The following GPHN variants were observed in gnomAD, a reference collection of about 807,000 sequenced individuals.
GPHN encodes the protein gephyrin.
Under a neutral mutation model 95.5 loss-of-function variants are expected in GPHN, and 17 were observed. That is an observed-to-expected ratio of 0.18 (90% CI 0.12 to 0.27). The LOEUF (loss-of-function observed/expected upper bound fraction) is 0.27. Among genes scored for constraint, GPHN ranks in the 10% least tolerant of loss-of-function variants. The probability of loss-of-function intolerance (pLI) is 1.00; values close to 1 mark genes in which losing one functional copy is unlikely to be tolerated. For synonymous variants in GPHN, 320 were observed against 322.5 expected (o/e 0.99, Z 0.08); for missense variants, 660 against 978.1 (o/e 0.67, Z 4.34).
intron 8 of GPHN, among the ~76,000 whole-genome samples, chr14:66,948,049 A>G (rs893415095): frequency 6.6e-5 from 10 of 152,200 alleles, no homozygotes; most frequent in African/African-American, 2.2e-4. Context: ...TATAATAATG[A>G]TAATAGAGAA....
the GPHN span, among the ~76,000 whole-genome samples, chr14:67,390,141 C>T: frequency 7.9e-5 from 12 of 152,160 alleles, no homozygotes; most frequent in African/African-American, 2.9e-4. Context: ...GTGGTAATAC[C>T]TAGTATCAGA....
the GPHN span, among the ~76,000 whole-genome samples, chr14:67,251,399 G>T: frequency 2.4e-4 from 36 of 152,244 alleles, no homozygotes; most frequent in African/African-American, 8.2e-4. Flanking sequence ...TGGACTTGGT[G>T]GTGTGTGCCT....
chr14:66,877,093 C>A (rs536006019), intron 4 of GPHN, among the ~76,000 whole-genome samples: 1 of 152,302 alleles, frequency 6.6e-6, no homozygotes, highest in East Asian at 1.9e-4. Context: ...ATATGCAAAT[C>A]AGTAAACATA....
At chr14:67,272,735 T>G in the GPHN span, among the ~76,000 whole-genome samples, 3 of 152,216 alleles carry the variant, frequency 2.0e-5, no homozygotes, top group Non-Finnish European at 4.4e-5. Flanking sequence ...CTTGGCTCAC[T>G]ACAACCTCTG....
chr14:66,627,488 G>T (rs1481782567), intron 1 of GPHN, among the ~76,000 whole-genome samples: 1 of 151,316 alleles, frequency 6.6e-6, no homozygotes, highest in Non-Finnish European at 1.5e-5. Context: ...TTCCTCTATT[G>T]CTTGTTTCAT....
chr14:67,624,264 T>C, the GPHN span, among the ~76,000 whole-genome samples: 1 of 146,494 alleles, frequency 6.8e-6, no homozygotes, highest in Non-Finnish European at 1.5e-5. Context: ...ATTTGCACTT[T>C]AATGGGAAAT....
chr14:66,586,923 A>AGG (rs2061445059), intron 1 of GPHN, among the ~76,000 whole-genome samples: 1 of 152,210 alleles, frequency 6.6e-6, no homozygotes, highest in Non-Finnish European at 1.5e-5. Context: ...TAAGTGAAAT[A>AGG]GAGACTGTAA....
the GPHN span, among the ~76,000 whole-genome samples, chr14:67,599,060 G>A: frequency 6.6e-6 from 1 of 152,160 alleles, no homozygotes; most frequent in Non-Finnish European, 1.5e-5. Context: ...AATTAGGGCA[G>A]TCTTAATTCT....
the GPHN span, among the ~76,000 whole-genome samples, chr14:67,522,022 A>C: frequency 6.6e-6 from 1 of 152,040 alleles, no homozygotes; most frequent in South Asian, 2.1e-4. Flanking sequence ...AAAAATACAA[A>C]AATTAGCCGG....
At chr14:67,583,694 A>ATCT in the GPHN span, 1 of 1,527,658 alleles carries the variant, frequency 6.5e-7, no homozygotes, top group Non-Finnish European at 9.0e-7. Context: ...CACCTGGCCC[A>ATCT]TCCACTGTCA....
chr14:67,452,367 GT>G, the GPHN span, among the ~76,000 whole-genome samples: 14 of 149,780 alleles, frequency 9.3e-5, no homozygotes, highest in South Asian at 4.2e-4. Flanking sequence ...TCTGTACAAG[GT>G]TTTTTTTTGC....
intron 1 of GPHN, among the ~76,000 whole-genome samples, chr14:66,545,984 T>G (rs2059575922): frequency 4.9e-5 from 6 of 122,802 alleles, no homozygotes; most frequent in African/African-American, 9.1e-5. Flanking sequence ...CGGGGCGGCT[T>G]CGGGGGGGAG....
In GPHN at chr14:66,557,537, A is replaced by G. The variant is rs77109460; in HGVS notation, c.64+48946A>G. ...GGCAGAATTCTGATGATTTTAAGAA[A>G]TATTCCCTTTTAAGGGAAAATAAGT... On this transcript the variant is annotated intron_variant, in intron 1 of 22. Transcript: ENST00000478722. Among the ~76,000 whole-genome samples the G allele has an allele frequency of 3.6e-3, 556 of 152,330 alleles. 12 individuals are homozygous for G. Among genetic ancestry groups the G allele is most frequent in the African/African-American group, 0.013 (530 of 41,582 alleles).
the GPHN span, chr14:67,198,861 G>A: frequency 1.3e-5 from 8 of 639,224 alleles, no homozygotes; most frequent in Non-Finnish European, 2.0e-5. Context: ...ACAAAGAAAT[G>A]GTGAAATGAG....
At chr14:66,788,205 A>G (rs2059848973) in intron 3 of GPHN, among the ~76,000 whole-genome samples, 1 of 152,194 alleles carries the variant, frequency 6.6e-6, no homozygotes, top group Non-Finnish European at 1.5e-5. Flanking sequence ...GCTACTCTGG[A>G]GGCTGAGGCG....
chr14:67,054,312 C>T (rs1221188188), intron 10 of GPHN, among the ~76,000 whole-genome samples: 1 of 152,122 alleles, frequency 6.6e-6, no homozygotes, highest in African/African-American at 2.4e-5. Flanking sequence ...CAGCAGTAGA[C>T]AAGCAGGAAG....
intron 1 of GPHN, among the ~76,000 whole-genome samples, chr14:66,546,691 A>G (rs2059614014): frequency 6.7e-6 from 1 of 149,192 alleles, no homozygotes; most frequent in African/African-American, 2.5e-5. Flanking sequence ...AGAATCAGGC[A>G]GGGAGGTTGC....
intron 9 of GPHN, among the ~76,000 whole-genome samples, chr14:67,011,255 T>C (rs2153616541): frequency 6.6e-6 from 1 of 152,168 alleles, no homozygotes; most frequent in East Asian, 1.9e-4. Context: ...TTCCTTTGCA[T>C]AGAATTCTCA....
At chr14:67,024,673 C>T (rs1344467377) in intron 10 of GPHN, among the ~76,000 whole-genome samples, 1 of 152,140 alleles carries the variant, frequency 6.6e-6, no homozygotes, top group Non-Finnish European at 1.5e-5. Flanking sequence ...CCAGTGGAGC[C>T]ATATGGACAT....
Sources: gnomAD v4.1 joint callset for allele counts (sites outside exome capture counted in the v4.1 genomes callset) on GRCh38, gnomAD v4.1.1 for gene constraint, MANE v1.5 for transcripts, NCBI Gene and HGNC (gene_info 2026-07-23, HGNC 2026-07-21) for gene names.